BACH1: variants seen among roughly 807,000 people sequenced by gnomAD.
BACH1 encodes BTB domain and CNC homolog 1.
BACH1 carries 35 observed loss-of-function variants against 52.9 expected under a neutral mutation model. The observed-to-expected ratio is 0.66, with a 90% CI of 0.51 to 0.88. BACH1 has a LOEUF of 0.88. Among genes scored for constraint, BACH1 ranks in the 40% least tolerant of loss-of-function variants. The pLI is 0.00. For missense variants in BACH1, 808 were observed against 872.6 expected (o/e 0.93, Z 0.93); for synonymous variants, 321 against 319.6 (o/e 1.00, Z -0.05).
At position 29,342,748 on chromosome 21, in the gene BACH1, C is replaced by T; in HGVS notation, c.2126C>T (p.Ala709Val). The change falls in exon 5 of 5, where the codon GCT becomes GTT. Residue 709 changes from alanine (A) to valine (V), a missense_variant. By Grantham distance (64) the Ala-to-Val change is moderately conservative. Transcript: ENST00000286800. ...ATGTCCACAGCCACCTCTGAGCAAG[C>T]TGGGCCTGCGGAACAGTGTCGTCAG... ...QQMSTATSEQAGPAEQCRQSG... is the reference protein window; with the variant it reads ...QQMSTATSEQVGPAEQCRQSG... 6.2e-7 allele frequency: 1 copy of T among 1,614,174 alleles called. No homozygotes were observed. The highest frequency in any genetic ancestry group is 8.5e-7 in the Non-Finnish European group (1 of 1,180,034).
In BACH1 at chr21:29,327,314, T is replaced by C; in HGVS notation, c.1490T>C (p.Val497Ala). ...PQQEPCPYAC[V>A]ISLGDDSETD... Reference sequence around the variant, plus strand: ...CAAGAACCTTGCCCATATGCTTGTGTCATTAGCTTGGGAGACGACTCTGAG... The same window carrying C: ...CAAGAACCTTGCCCATATGCTTGTGCCATTAGCTTGGGAGACGACTCTGAG... The change falls in exon 3 of 5, where the codon GTC (valine) becomes GCC (alanine). Residue 497 changes from valine to alanine, a missense_variant. Physicochemically the swap from Val to Ala is moderately conservative, Grantham distance 64 (BLOSUM62 0). Coordinates refer to ENST00000286800, the MANE Select transcript of BACH1 (RefSeq NM_001186.4). 1.2e-6 allele frequency: 2 copies of C among 1,614,190 alleles called. No homozygotes were observed.
intron 4 of BACH1, among the ~76,000 whole-genome samples, chr21:29,330,924 G>A (rs904166972): frequency 1.3e-5 from 2 of 150,830 alleles, no homozygotes; most frequent in African/African-American, 4.9e-5. Context: ...AGAGGAACTA[G>A]ATGTTTTACA....
Position 29,344,562 on chromosome 21 carries a change from G to C in BACH1, c.*1729G>C, listed in dbSNP as rs901037325. On this transcript the variant is annotated 3_prime_UTR_variant, in exon 5 of 5. Coordinates refer to ENST00000286800, the MANE Select transcript of BACH1 (RefSeq NM_001186.4). ...AGTTGGACTTGTTTATTTTCTAGTA[G>C]CTTTTATAAGTACACTCAAGAATTT... The C allele has an allele frequency of 1.3e-5, 2 of 152,120 alleles. No individual in the cohort carries two copies. The highest frequency in any genetic ancestry group is 1.5e-5 in the Non-Finnish European group (1 of 67,962). 9.4% of individuals were successfully genotyped at this position (152,120 alleles called of 1,614,324 possible). A position where few individuals can be genotyped will look rare whatever the true frequency, so the allele number is the denominator to read the frequency against.
rs144901315 is a variant in BACH1, at chr21:29,324,465, T to A, written c.235-1594T>A. On this transcript the variant is annotated intron_variant, in intron 2 of 4. Transcript: ENST00000286800. ...AGTATATTACCTCTTAGGATTGATG[T>A]TGTTTGACTTAGCTGAGATTATCCA... is the stretch of plus-strand genomic sequence containing the variant. 3.9e-5 allele frequency among the ~76,000 whole-genome samples: 6 copies of A among 152,232 alleles called. No homozygotes were observed. The East Asian group carries it at 1.2e-3, about 29-fold the overall frequency.
intron 2 of BACH1, 101 bp downstream of exon 2, chr21:29,321,615 A>T: frequency 1.9e-5 from 19 of 987,146 alleles, no homozygotes; most frequent in Non-Finnish European, 2.5e-5. Context: ...TCAGGTGGCT[A>T]TGGAGCATTT....
chr21:29,337,763 C>T (rs1329519338), intron 4 of BACH1, among the ~76,000 whole-genome samples: 1 of 152,018 alleles, frequency 6.6e-6, no homozygotes, highest in African/African-American at 2.4e-5. Context: ...TGCGGTGGCT[C>T]AGGAGTTCGA....
intron 2 of BACH1, among the ~76,000 whole-genome samples, chr21:29,353,948 G>A (rs1191744269): frequency 6.6e-6 from 1 of 152,182 alleles, no homozygotes; most frequent in East Asian, 1.9e-4. Context: ...CATTTCCAAG[G>A]GGATCCTATT....
Position 29,344,190 on chromosome 21 carries a change from A to G in BACH1, c.*1357A>G, listed in dbSNP as rs1187105056. 6.6e-6 allele frequency: 1 copy of G among 152,486 alleles called. No individual in the cohort carries two copies. Among genetic ancestry groups the G allele is most frequent in the Non-Finnish European group, 1.5e-5 (1 of 68,048 alleles). The allele number at this position is 152,486 out of a possible 1,614,324, so 9.4% of individuals were successfully genotyped here. On this transcript the variant is annotated 3_prime_UTR_variant, in exon 5 of 5. Coordinates refer to ENST00000286800, the MANE Select transcript of BACH1 (RefSeq NM_001186.4). ...AATTAAAAAAAATGCATATATTCAC[A>G]TTCACAGAAACATTGGCAGAACCCA...
rs372369161 is a variant in BACH1 at position 29,326,628 on chromosome 21, G to A, written c.804G>A (p.Pro268=). Residue 268 remains proline, a synonymous_variant, in exon 3 of 5, where the codon CCG becomes CCA. Coordinates refer to ENST00000286800, the MANE Select transcript of BACH1 (RefSeq NM_001186.4). The part of the protein sequence containing the change: ...RSENECLGGV[P]ECRDLQVMLK... ...AAAATGAATGCCTGGGAGGAGTCCC[G>A]GAGTGTAGAGATTTGCAGGTGATGT... 127 of 1,614,186 alleles carry A rather than the reference G, an allele frequency of 7.9e-5. No individual in the cohort carries two copies. In the East Asian group the frequency reaches 1.8e-3, roughly 23 times the overall value.
At chr21:29,340,225 A>G (rs927076045) in intron 4 of BACH1, among the ~76,000 whole-genome samples, 4 of 152,216 alleles carry the variant, frequency 2.6e-5, no homozygotes, top group South Asian at 2.1e-4. Context: ...GACTGCTATT[A>G]TAGTAAATAT....
intron 3 of BACH1, among the ~76,000 whole-genome samples, chr21:29,328,083 T>C (rs1183588971): frequency 6.6e-6 from 1 of 152,246 alleles, no homozygotes; most frequent in Non-Finnish European, 1.5e-5. Context: ...CAAGAACCTC[T>C]AGACCTGGGA....
At chr21:29,324,600 G>GTGTGTA (rs2088889056) in intron 2 of BACH1, among the ~76,000 whole-genome samples, 1 of 134,238 alleles carries the variant, frequency 7.4e-6, no homozygotes, top group Non-Finnish European at 1.6e-5. Flanking sequence ...GTGTGTGTGT[G>GTGTGTA]TAGCTTTTTA....
chr21:29,308,968 T>C (rs1645564124), intron 1 of BACH1, among the ~76,000 whole-genome samples: 2 of 152,140 alleles, frequency 1.3e-5, no homozygotes, highest in Non-Finnish European at 2.9e-5. Flanking sequence ...TAGAAATTAA[T>C]TCACCAGACC....
intron 1 of BACH1, among the ~76,000 whole-genome samples, chr21:29,320,804 G>A (rs1491001758): frequency 6.6e-6 from 1 of 152,274 alleles, no homozygotes; most frequent in East Asian, 1.9e-4. Flanking sequence ...TCATCCCAAG[G>A]TGTGACCTCT....
chr21:29,305,874 A>G (rs936199662), intron 1 of BACH1, among the ~76,000 whole-genome samples: 6 of 152,238 alleles, frequency 3.9e-5, no homozygotes, highest in Non-Finnish European at 7.3e-5. Flanking sequence ...TTAGGCTTTT[A>G]TAAGCCAGGA....
At chr21:29,315,488 A>G (rs555126265) in intron 1 of BACH1, among the ~76,000 whole-genome samples, 2 of 152,190 alleles carry the variant, frequency 1.3e-5, no homozygotes, top group Non-Finnish European at 1.5e-5. Context: ...GAAATTCCAA[A>G]TAGCCACTAG....
intron 4 of BACH1, among the ~76,000 whole-genome samples, chr21:29,331,489 T>C (rs1569018334): frequency 6.6e-6 from 1 of 152,240 alleles, no homozygotes; most frequent in Non-Finnish European, 1.5e-5. Context: ...ATTTCTTGGC[T>C]CAAGGGTTTT....
chr21:29,305,402 T>G (rs76704511), intron 1 of BACH1: 1 of 151,352 alleles, frequency 6.6e-6, no homozygotes, highest in African/African-American at 2.4e-5. Context: ...ACTATAGGTA[T>G]TTTTTTTTAG....
chr21:29,306,676 G>A (rs530365790), intron 1 of BACH1, among the ~76,000 whole-genome samples: 2 of 152,134 alleles, frequency 1.3e-5, no homozygotes, highest in Non-Finnish European at 2.9e-5. Flanking sequence ...AGTTAACAGT[G>A]ACATCCTTGT....
Sources: gnomAD v4.1 joint callset for allele counts (sites outside exome capture counted in the v4.1 genomes callset) on GRCh38, gnomAD v4.1.1 for gene constraint, MANE v1.5 for transcripts, NCBI Gene and HGNC (gene_info 2026-07-23, HGNC 2026-07-21) for gene names.